The following MTMR10 variants were observed in gnomAD, a reference collection of about 807,000 sequenced individuals.
MTMR10 encodes the protein myotubularin related protein 10.
A neutral mutation model predicts 88.1 loss-of-function variants in MTMR10; 56 were observed. That is an observed-to-expected ratio of 0.64 (90% confidence interval 0.51 to 0.79). The LOEUF (loss-of-function observed/expected upper bound fraction) is 0.79, where lower values mean the gene tolerates loss of function less well. Ranked by LOEUF, MTMR10 falls within the 30% of genes least tolerant of loss-of-function variation. The pLI is 0.00. For missense variants in MTMR10, 883 were observed against 924.7 expected, an observed-to-expected ratio of 0.95 and a Z score of 0.58; for synonymous variants, 380 against 340.9, an observed-to-expected ratio of 1.11 and a Z score of -1.26.
At chr15:30,938,406 G>A (rs761330524), downstream of MTMR10, among the ~76,000 whole-genome samples, 2 of 152,112 alleles carry the variant, frequency 1.3e-5, no homozygotes, top group Non-Finnish European at 2.9e-5. Context: ...ACATGTAAAT[G>A]CTTGTTCTAC....
chr15:30,926,019 CTGCTGTCCTCTCTCTGT>C, the MTMR10 span: 1 of 1,400,978 alleles, frequency 7.1e-7, no homozygotes, highest in Non-Finnish European at 1.0e-6. Flanking sequence ...CAGCAGTGGG[CTGCTGTCCTCTCTCTGT>C]CCTCTGCTCA....
intron 14 of MTMR10, chr15:30,943,384 A>T: frequency 1.0e-6 from 1 of 984,964 alleles, no homozygotes; most frequent in South Asian, 4.7e-5. Flanking sequence ...GAAAGTCTTA[A>T]ACATGTTGAA....
chr15:30,954,317 G>A (rs992796332), intron 10 of MTMR10, among the ~76,000 whole-genome samples: 1 of 152,136 alleles, frequency 6.6e-6, no homozygotes, highest in Non-Finnish European at 1.5e-5. Context: ...GACTCATCCC[G>A]CAGGACACAT....
At chr15:30,922,868 A>G in the MTMR10 span, among the ~76,000 whole-genome samples, 1 of 152,268 alleles carries the variant, frequency 6.6e-6, no homozygotes, top group African/African-American at 2.4e-5. Flanking sequence ...GACCTTGAGC[A>G]GGCACCAGTG....
chr15:30,937,447 CTTT>C (rs11317050), downstream of MTMR10, among the ~76,000 whole-genome samples: 12 of 78,956 alleles, frequency 1.5e-4, no homozygotes, highest in Admixed American at 3.1e-4. Flanking sequence ...GGGTAATAAA[CTTT>C]TTTTTTTTTT....
intron 12 of MTMR10, 45 bp downstream of exon 12, chr15:30,951,923 G>A (rs772901091): frequency 6.6e-7 from 1 of 1,523,274 alleles, no homozygotes; most frequent in Non-Finnish European, 9.1e-7. Flanking sequence ...AACCAAGGCT[G>A]GCTGGTATGG....
intron 3 of MTMR10, among the ~76,000 whole-genome samples, chr15:30,975,814 T>A (rs2030087572): frequency 6.6e-6 from 1 of 152,158 alleles, no homozygotes; most frequent in Non-Finnish European, 1.5e-5. Flanking sequence ...AAGTTTACAG[T>A]TCATATACCA....
At chr15:30,919,688 C>CG in the MTMR10 span, among the ~76,000 whole-genome samples, 20 of 118,634 alleles carry the variant, frequency 1.7e-4, no homozygotes, top group South Asian at 2.9e-3. Flanking sequence ...GACTCTGTCT[C>CG]GGGGAAAAAA....
chr15:30,972,164 G>C (rs2063545252), intron 5 of MTMR10, among the ~76,000 whole-genome samples: 1 of 152,026 alleles, frequency 6.6e-6, no homozygotes. Context: ...AGTATTCCAA[G>C]CTTCCAGGAG....
At chr15:30,980,343 G>A (rs1182846310) in intron 2 of MTMR10, among the ~76,000 whole-genome samples, 1 of 152,210 alleles carries the variant, frequency 6.6e-6, no homozygotes, top group Non-Finnish European at 1.5e-5. Context: ...TGGAAACCAG[G>A]TTTAACTGCT....
chr15:30,925,199 C>G, the MTMR10 span: 5 of 1,613,884 alleles, frequency 3.1e-6, no homozygotes, highest in African/African-American at 4.0e-5. Context: ...ACTGTATCAG[C>G]GAGCCGTGCG....
At chr15:30,968,903 C>T (rs1036716816) in intron 5 of MTMR10, among the ~76,000 whole-genome samples, 2 of 152,078 alleles carry the variant, frequency 1.3e-5, no homozygotes, top group African/African-American at 2.4e-5. Context: ...CCCTGGTAGT[C>T]ACTAGAATGT....
chr15:30,983,371 G>A (rs1244605273), intron 2 of MTMR10, among the ~76,000 whole-genome samples: 2 of 152,166 alleles, frequency 1.3e-5, no homozygotes, highest in Non-Finnish European at 2.9e-5. Context: ...ATTTTCTCAA[G>A]ACCCTTTCAT....
intron 2 of MTMR10, among the ~76,000 whole-genome samples, chr15:30,988,764 G>A (rs1204709500): frequency 6.6e-6 from 1 of 152,044 alleles, no homozygotes; most frequent in Non-Finnish European, 1.5e-5. Context: ...CAAGGCGGGC[G>A]GATCACCTGA....
At chr15:30,948,742 T>A in intron 12 of MTMR10, 1 of 502,212 alleles carries the variant, frequency 2.0e-6, no homozygotes, top group East Asian at 3.8e-5. Flanking sequence ...TCGAATGGTT[T>A]GTGGTAGAAA....
At chr15:30,955,589 G>A (rs914685405) in intron 9 of MTMR10, among the ~76,000 whole-genome samples, 1 of 152,084 alleles carries the variant, frequency 6.6e-6, no homozygotes, top group African/African-American at 2.4e-5. Context: ...TATTTCTGAT[G>A]GGAGAAAATA....
Position 30,952,004 on chromosome 15 carries a change from T to C in MTMR10, c.1171A>G (p.Met391Val), listed in dbSNP as rs567057076. 1.5e-5 allele frequency: 24 copies of C among 1,613,914 alleles called. No homozygotes were observed. The East Asian group carries it at 3.8e-4, about 25-fold the overall frequency. The change falls in exon 12 of 16, where the codon ATG becomes GTG. Residue 391 changes from methionine (M) to valine (V), a missense_variant. Met to Val is a conservative substitution (Grantham distance 21, BLOSUM62 1). Transcript: ENST00000435680. Reference sequence around the variant, plus strand: ...ACAGAGAGATGTTTGCTTTCTAGCATGTATACAAGTTCTGCTGAATGCTTA... The same window carrying C: ...ACAGAGAGATGTTTGCTTTCTAGCACGTATACAAGTTCTGCTGAATGCTTA... Reference protein sequence around the residue: ...FLKHSAELVYMLESKHLSVVL... With the variant: ...FLKHSAELVYVLESKHLSVVL...
At chr15:30,942,606 C>T (rs1381999832) in intron 15 of MTMR10, 3 of 391,466 alleles carry the variant, frequency 7.7e-6, no homozygotes, top group Non-Finnish European at 9.0e-6. Flanking sequence ...GCCACAGTGG[C>T]GGCTTGAATC....
the MTMR10 span, among the ~76,000 whole-genome samples, chr15:30,930,376 GGCTCT>G: frequency 1.3e-5 from 2 of 152,196 alleles, no homozygotes; most frequent in African/African-American, 4.8e-5. Context: ...TTCCAGCCAT[GGCTCT>G]GCAGCTCTGG....
Sources: allele counts gnomAD v4.1 joint callset (sites outside exome capture counted in the v4.1 genomes callset), GRCh38; gene constraint gnomAD v4.1.1; transcripts MANE v1.5; gene names NCBI Gene and HGNC (gene_info 2026-07-23, HGNC 2026-07-21).